Variants in HTRA1 observed in about 807,000 individuals in gnomAD.
HTRA1 encodes serine protease HTRA1.
Under a neutral mutation model 49.7 loss-of-function variants are expected in HTRA1, and 26 were observed. The ratio of observed to expected loss-of-function variants is 0.52; its 90% CI spans 0.38 to 0.73. The LOEUF is 0.73. HTRA1 is among the 30% of genes least tolerant of loss of function. HTRA1 has a pLI of 0.00. For missense variants in HTRA1, 561 were observed against 667.2 expected, an observed-to-expected ratio of 0.84 and a Z score of 1.75; for synonymous variants, 291 against 286.9, an observed-to-expected ratio of 1.01 and a Z score of -0.14.
chr10:122,473,269 C>T (rs573633617), intron 1 of HTRA1, among the ~76,000 whole-genome samples: 6 of 152,204 alleles, frequency 3.9e-5, no homozygotes, highest in East Asian at 1.9e-4. Context: ...GTGTCTCAGG[C>T]GAGCAGCCTG....
At chr10:122,491,302 G>A (rs567786163) in intron 3 of HTRA1, among the ~76,000 whole-genome samples, 91 of 152,318 alleles carry the variant, frequency 6.0e-4, no homozygotes, top group African/African-American at 1.9e-3. Flanking sequence ...GGCCGGCCCC[G>A]TGGTTTGATG....
chr10:122,491,575 T>TA (rs1202305673), intron 3 of HTRA1, among the ~76,000 whole-genome samples: 1 of 152,246 alleles, frequency 6.6e-6, no homozygotes, highest in African/African-American at 2.4e-5. Context: ...CGTGGGCACA[T>TA]ACCGTGCGGC....
At chr10:122,473,692 T>C (rs1357048772) in intron 1 of HTRA1, among the ~76,000 whole-genome samples, 1 of 152,202 alleles carries the variant, frequency 6.6e-6, no homozygotes, top group African/African-American at 2.4e-5. Context: ...CAGGACACTT[T>C]CATCACCGTA....
chr10:122,466,609 A>G (rs1404468913), intron 1 of HTRA1, among the ~76,000 whole-genome samples: 1 of 152,232 alleles, frequency 6.6e-6, no homozygotes, highest in Admixed American at 6.5e-5. Context: ...CTTATATTCA[A>G]TACAATGGGG....
chr10:122,465,841 G>A (rs145751155), intron 1 of HTRA1, among the ~76,000 whole-genome samples: 283 of 152,290 alleles, frequency 1.9e-3, no homozygotes, highest in African/African-American at 6.6e-3. Flanking sequence ...AAGACCAGCC[G>A]GGATTCCGGA....
chr10:122,479,921 G>C (rs11200647), intron 1 of HTRA1, among the ~76,000 whole-genome samples: 4 of 151,932 alleles, frequency 2.6e-5, no homozygotes, highest in Admixed American at 6.5e-5. Context: ...GGAAGCTTCA[G>C]AAGCTTGAGA....
chr10:122,472,592 G>A (rs1286334767), intron 1 of HTRA1, among the ~76,000 whole-genome samples: 2 of 151,842 alleles, frequency 1.3e-5, no homozygotes, highest in Non-Finnish European at 1.5e-5. Context: ...AGACAGTTTC[G>A]CCATGTTGGC....
In HTRA1 at chr10:122,506,597, G is replaced by A. The variant is rs373060732; in HGVS notation, c.778-94G>A. The A allele has an allele frequency of 4.2e-5, 47 of 1,111,834 alleles. 1 individual carries two copies. Among genetic ancestry groups the A allele is most frequent in the South Asian group, 4.1e-4 (33 of 80,124 alleles). The allele number at this position is 1,111,834 out of a possible 1,614,324, so 68.9% of individuals were successfully genotyped here. ...CGGGCCTGGTGTTTCCAAATAGCCC[G>A]TCACTGTCCCTGCTTGGTTTTCCAT... On this transcript the variant is annotated intron_variant, in intron 3 of 8. Transcript: ENST00000368984. The surrounding 1 kb of genome is among the most constrained non-coding windows in gnomAD (Gnocchi z 5.2).
At chr10:122,496,254 T>C (rs2097498708) in intron 3 of HTRA1, among the ~76,000 whole-genome samples, 1 of 129,904 alleles carries the variant, frequency 7.7e-6, no homozygotes, top group Non-Finnish European at 1.6e-5. Context: ...TTTTTTTTTT[T>C]TTTTTGCAGA....
At position 122,504,200 on chromosome 10, in the gene HTRA1, A is replaced by G. The variant is rs138302780; in HGVS notation, c.778-2491A>G. Among the ~76,000 whole-genome samples, 87 of 152,302 alleles carry G rather than the reference A, an allele frequency of 5.7e-4. 2 individuals are homozygous for G. The highest frequency in any genetic ancestry group is 3.9e-3 in the Admixed American group (59 of 15,310). ...CTGGGGGCTCCCCCGCCCCAGCCTC[A>G]CAGCTTCTCCAAAAGTGTTTGTCTC... is the stretch of plus-strand genomic sequence containing the variant. On this transcript the variant is annotated intron_variant, in intron 3 of 8. Transcript: ENST00000368984.
At chr10:122,471,684 A>G (rs1464154015) in intron 1 of HTRA1, among the ~76,000 whole-genome samples, 1 of 152,170 alleles carries the variant, frequency 6.6e-6, no homozygotes, top group East Asian at 1.9e-4. Context: ...CAATGGGAAC[A>G]TGACTCTCAC....
chr10:122,507,346 CT>C, intron 4 of HTRA1, 23 bp from the exon 5 acceptor site: 1 of 1,605,534 alleles, frequency 6.2e-7, no homozygotes, highest in South Asian at 1.1e-5. Context: ...GATTTGTAAC[CT>C]TTTCATTTCT....
Position 122,462,060 on chromosome 10 carries a change from C to T in HTRA1, c.408C>T (p.Ser136=). The change falls in exon 1 of 9, where the codon AGC becomes AGT. Residue 136 remains serine, a synonymous_variant. Coordinates refer to ENST00000368984, the MANE Select transcript of HTRA1 (RefSeq NM_002775.5). ...ACCTGTGCCAGCTGCGCGCCGCCAG[C>T]CGCCGCTCCGAGAGGCTGCACCGGC... ...YANLCQLRAA[S]RRSERLHRPP... 3.9e-6 allele frequency: 6 copies of T among 1,535,424 alleles called. No individual in the cohort carries two copies. The highest frequency in any genetic ancestry group is 5.2e-6 in the Non-Finnish European group (6 of 1,147,416).
intron 1 of HTRA1, among the ~76,000 whole-genome samples, chr10:122,462,424 C>A (rs146313776): frequency 2.0e-5 from 3 of 152,366 alleles, no homozygotes; most frequent in African/African-American, 7.2e-5. Context: ...AACCACACAG[C>A]GCGGGGACCC....
chr10:122,480,385 A>C (rs2097490471), intron 1 of HTRA1, among the ~76,000 whole-genome samples: 1 of 152,144 alleles, frequency 6.6e-6, no homozygotes, highest in Admixed American at 6.5e-5. Context: ...CAAGGGACAG[A>C]GCCAAGAACA....
At position 122,506,724 on chromosome 10, in the gene HTRA1, T is replaced by C; in HGVS notation, c.811T>C (p.Ser271Pro). Residue 271 changes from serine to proline, a missense_variant, in exon 4 of 9, where the codon TCA (serine) becomes CCA (proline). Around this residue, in one of 3 missense-constraint regions of HTRA1, gnomAD observed 271 missense variants for 410.0 expected, o/e 0.66. Transcript: ENST00000368984. This position sits in a 1 kb window ranked among gnomAD's most constrained non-coding sequence, Gnocchi z 5.2. Reference protein sequence around the residue: ...KLPVLLLGRSSELRPGEFVVA... With the variant: ...KLPVLLLGRSPELRPGEFVVA... ...GCCTGTCCTGCTGCTTGGCCGCTCCTCAGAGCTGCGGCCGGGAGAGTTCGT... is the reference window on the plus strand; with the variant it reads ...GCCTGTCCTGCTGCTTGGCCGCTCCCCAGAGCTGCGGCCGGGAGAGTTCGT... The C allele has an allele frequency of 6.2e-7, 1 of 1,613,570 alleles. No individual in the cohort carries two copies.
At chr10:122,488,001 A>G (rs1442884824) in intron 1 of HTRA1, among the ~76,000 whole-genome samples, 2 of 152,124 alleles carry the variant, frequency 1.3e-5, no homozygotes, top group African/African-American at 4.8e-5. Flanking sequence ...TGTCCCGGGC[A>G]GGGTTGGAAC....
chr10:122,488,422 A>G (rs1283870846), intron 1 of HTRA1, among the ~76,000 whole-genome samples: 1 of 152,052 alleles, frequency 6.6e-6, no homozygotes, highest in East Asian at 1.9e-4. Flanking sequence ...ACAAAAATAC[A>G]AAGGTGGTGG....
chr10:122,509,775 G>A (rs536907934), intron 6 of HTRA1, among the ~76,000 whole-genome samples: 1 of 152,304 alleles, frequency 6.6e-6, no homozygotes, highest in East Asian at 1.9e-4. Context: ...AGACAAGGGT[G>A]GTGGCAGTGG....
Sources: allele counts gnomAD v4.1 joint callset (sites outside exome capture counted in the v4.1 genomes callset), GRCh38; gene constraint gnomAD v4.1.1; regional missense constraint gnomAD v4.1.1; non-coding constraint Gnocchi (gnomAD v3.1); transcripts MANE v1.5; gene names NCBI Gene and HGNC (gene_info 2026-07-23, HGNC 2026-07-21).